NANS: variants seen among roughly 807,000 people sequenced by gnomAD.
NANS encodes N-acetylneuraminate-9-phosphate synthase.
A neutral mutation model predicts 33.3 loss-of-function variants in NANS; 29 were observed. That is an observed-to-expected ratio of 0.87 (90% CI 0.65 to 1.19). The LOEUF (loss-of-function observed/expected upper bound fraction) is 1.19. Ranked by LOEUF, NANS falls within the 50% of genes most tolerant of loss-of-function variation. The pLI is 0.00. For synonymous variants in NANS, 163 were observed against 177.2 expected (o/e 0.92, Z 0.64); for missense variants, 394 against 461.1 (o/e 0.85, Z 1.33).
intron 4 of NANS, 146 bp from the exon 5 acceptor site, chr9:98,080,670 G>C (rs1200215103): frequency 1.3e-6 from 1 of 791,348 alleles, no homozygotes; most frequent in Non-Finnish European, 1.9e-6. Context: ...CCCTAGGAAA[G>C]AGAGGCTCAG....
intron 1 of NANS, among the ~76,000 whole-genome samples, chr9:98,058,273 A>G (rs1405638185): frequency 6.6e-6 from 1 of 152,188 alleles, no homozygotes; most frequent in Non-Finnish European, 1.5e-5. Flanking sequence ...TCATAAAAAT[A>G]CTTTACAAAA....
At position 98,083,046 on chromosome 9, in the gene NANS, C is replaced by A. The variant is rs981814421; in HGVS notation, c.1071C>A (p.Ile357=). The change falls in exon 6 of 6, where the codon ATC becomes ATA. Residue 357 remains isoleucine, a synonymous_variant. Transcript: ENST00000210444. ...EELVDNHGKK[I]KS ...TGGTAGATAATCATGGCAAAAAAAT[C>A]AAGTCTTAAAAATAAAGTGCCATTC... 6.2e-7 allele frequency: 1 copy of A among 1,613,890 alleles called. No homozygotes were observed. The highest frequency in any genetic ancestry group is 8.5e-7 in the Non-Finnish European group (1 of 1,179,920).
At position 98,082,894 on chromosome 9, in the gene NANS, C is replaced by G. The variant is rs770189007; in HGVS notation, c.919C>G (p.Leu307Val). 6.2e-7 allele frequency: 1 copy of G among 1,614,152 alleles called. No individual in the cohort carries two copies. ...AGTGAAAATTCCGGAAGGCACCATTCTAACAATGGACATGCTCACCGTGAA... is the reference window on the plus strand; with the variant it reads ...AGTGAAAATTCCGGAAGGCACCATTGTAACAATGGACATGCTCACCGTGAA... ...AKVKIPEGTI[L>V]TMDMLTVKVG... is the part of the protein sequence containing the mutation. Residue 307 changes from leucine (L) to valine (V), a missense_variant, in exon 6 of 6, where the codon CTA (leucine) becomes GTA (valine). Transcript: ENST00000210444.
rs200678999 is a variant in NANS at position 98,081,055 on chromosome 9, G to A, written c.843G>A (p.Leu281=). Residue 281 remains leucine, a synonymous_variant, in exon 5 of 6, where the codon CTG becomes CTA. Transcript: ENST00000210444. The part of the protein sequence containing the change: ...RALGSPTKQL[L]PCEMACNEKL... The stretch of plus-strand genomic sequence containing the variant: ...TGGGCTCCCCAACCAAGCAGCTGCT[G>A]CCCTGTGAGATGGCCTGCAATGAGA... 1 of 1,614,156 alleles carries A rather than the reference G, an allele frequency of 6.2e-7. No homozygotes were observed. Among genetic ancestry groups the A allele is most frequent in the African/African-American group, 1.3e-5 (1 of 75,050 alleles).
chr9:98,059,515 A>G (rs1348165594), intron 1 of NANS, among the ~76,000 whole-genome samples: 1 of 152,128 alleles, frequency 6.6e-6, no homozygotes, highest in Non-Finnish European at 1.5e-5. Flanking sequence ...CTGGGGATCA[A>G]GCGATCCTCC....
chr9:98,071,995 T>C (rs1343392893), intron 2 of NANS, among the ~76,000 whole-genome samples: 2 of 152,154 alleles, frequency 1.3e-5, no homozygotes, highest in African/African-American at 2.4e-5. Flanking sequence ...AGTCTGGTGT[T>C]TGCAGCGGGG....
At position 98,064,438 on chromosome 9, in the gene NANS, T is replaced by G. The variant is rs112341363; in HGVS notation, c.348+3441T>G. Among the ~76,000 whole-genome samples the G allele has an allele frequency of 4.9e-3, 741 of 152,208 alleles. 2 individuals are homozygous for G. Among genetic ancestry groups the G allele is most frequent in the African/African-American group, 0.017 (703 of 41,530 alleles). ...ACGGCTAGTTTTTGTATATTTTTAG[T>G]AGAGATGGGGTTTCACCATGTTGAC... On this transcript the variant is annotated intron_variant, in intron 2 of 5. Transcript: ENST00000210444.
At chr9:98,066,092 C>T (rs939261261) in intron 2 of NANS, among the ~76,000 whole-genome samples, 5 of 152,166 alleles carry the variant, frequency 3.3e-5, no homozygotes, top group Non-Finnish European at 7.3e-5. Context: ...GTTGCTTCCC[C>T]AGGACACAGT....
chr9:98,082,936 G>T lies in NANS; in HGVS notation c.961G>T (p.Gly321Cys), dbSNP rs1248100555. The T allele has an allele frequency of 1.2e-6, 2 of 1,614,056 alleles. No homozygotes were observed. Among genetic ancestry groups the T allele is most frequent in the Non-Finnish European group, 1.7e-6 (2 of 1,180,038 alleles). The change falls in exon 6 of 6, where the codon GGC (glycine) becomes TGC (cysteine). Residue 321 changes from glycine to cysteine, a missense_variant. Physicochemically the swap from Gly to Cys is radical, Grantham distance 159. Coordinates refer to ENST00000210444, the MANE Select transcript of NANS (RefSeq NM_018946.4). The part of the protein sequence containing the change: ...MLTVKVGEPK[G>C]YPPEDIFNLV... The stretch of plus-strand genomic sequence containing the variant: ...CACCGTGAAGGTGGGTGAGCCCAAA[G>T]GCTATCCTCCTGAAGACATCTTTAA...
At chr9:98,081,389 G>A (rs1829854397) in intron 5 of NANS, 2 of 331,342 alleles carry the variant, frequency 6.0e-6, no homozygotes, top group South Asian at 4.4e-5. Flanking sequence ...TCCAGAATAT[G>A]TAACAGGAGT....
At chr9:98,061,251 T>A in intron 2 of NANS, 2 of 449,724 alleles carry the variant, frequency 4.4e-6, no homozygotes, top group South Asian at 5.0e-5. Flanking sequence ...CTGAGGGGGA[T>A]GGATCACCTG....
intron 5 of NANS, 117 bp downstream of exon 5, chr9:98,081,199 G>A: frequency 1.4e-6 from 2 of 1,393,132 alleles, no homozygotes; most frequent in South Asian, 2.7e-5. Flanking sequence ...AATGATCAGT[G>A]AATGTGCTCC....
In NANS at chr9:98,083,066, C is replaced by T. The variant is rs1829961252; in HGVS notation, c.*11C>T. 2 of 1,612,246 alleles carry T rather than the reference C, an allele frequency of 1.2e-6. No individual in the cohort carries two copies. Among genetic ancestry groups the T allele is most frequent in the Admixed American group, 1.7e-5 (1 of 59,986 alleles). Reference sequence around the variant, plus strand: ...AAAATCAAGTCTTAAAAATAAAGTGCCATTCTCTGAATTCTCAGTTCCCTT... The same window carrying T: ...AAAATCAAGTCTTAAAAATAAAGTGTCATTCTCTGAATTCTCAGTTCCCTT... On this transcript the variant is annotated 3_prime_UTR_variant, in exon 6 of 6. Transcript: ENST00000210444.
chr9:98,056,803 G>C lies in NANS; in HGVS notation c.-6G>C, dbSNP rs778113732. ...GTAGTGAGGCTTTGGACCCCGAGCC[G>C]CTGCAATGCCGCTGGAGCTGGAGCT... is the stretch of plus-strand genomic sequence containing the variant. On this transcript the variant is annotated 5_prime_UTR_variant, in exon 1 of 6. Transcript: ENST00000210444. 6.2e-7 allele frequency: 1 copy of C among 1,611,144 alleles called. No homozygotes were observed. Among genetic ancestry groups the C allele is most frequent in the South Asian group, 1.1e-5 (1 of 90,870 alleles).
chr9:98,070,765 A>G (rs1479951247), intron 2 of NANS, among the ~76,000 whole-genome samples: 1 of 151,914 alleles, frequency 6.6e-6, no homozygotes, highest in Non-Finnish European at 1.5e-5. Flanking sequence ...ATAAAACCAC[A>G]TCAAAAAATA....
intron 2 of NANS, among the ~76,000 whole-genome samples, chr9:98,074,289 C>T (rs960709446): frequency 6.6e-6 from 1 of 152,148 alleles, no homozygotes; most frequent in African/African-American, 2.4e-5. Context: ...TCCCTTCAGA[C>T]TCCCACAGAC....
rs397837187 is a variant in NANS, at chr9:98,065,483, A to ATTTTTTTTTTTT, written c.348+4502_348+4513dup. Among the ~76,000 whole-genome samples, 53 of 58,632 alleles carry ATTTTTTTTTTTT rather than the reference A, an allele frequency of 9.0e-4. 2 individuals carry two copies. The highest frequency in any genetic ancestry group is 4.8e-3 in the Admixed American group (18 of 3,768). The allele number at this position is 58,632 out of a possible 152,430, so 38.5% of individuals were successfully genotyped here. On this transcript the variant is annotated intron_variant, in intron 2 of 5. Coordinates refer to ENST00000210444, the MANE Select transcript of NANS (RefSeq NM_018946.4). ...AGGCGTCCACCACCATGCCCAGCTA[A>ATTTTTTTTTTTT]TTTTTTTTTTTTTTTTTTTTTTTTT... is the stretch of plus-strand genomic sequence containing the variant.
At chr9:98,067,526 C>T (rs1403534538) in intron 2 of NANS, among the ~76,000 whole-genome samples, 1 of 152,092 alleles carries the variant, frequency 6.6e-6, no homozygotes, top group East Asian at 1.9e-4. Flanking sequence ...TGCATATCTT[C>T]TTTGGAAGAA....
intron 3 of NANS, among the ~76,000 whole-genome samples, chr9:98,077,606 T>C (rs564120385): frequency 1.4e-4 from 21 of 152,276 alleles, no homozygotes; most frequent in Admixed American, 1.2e-3. Context: ...TGGCCCCAGC[T>C]ACTCGGGAGG....
Sources: gnomAD v4.1 joint callset for allele counts (sites outside exome capture counted in the v4.1 genomes callset) on GRCh38, gnomAD v4.1.1 for gene constraint, MANE v1.5 for transcripts, NCBI Gene and HGNC (gene_info 2026-07-23, HGNC 2026-07-21) for gene names.